Variants in SH3GLB2 observed in about 807,000 individuals in gnomAD.
SH3GLB2 encodes the protein endophilin-B2.
In SH3GLB2, 24 loss-of-function variants were observed where a neutral mutation model predicts 48.0. The observed-to-expected ratio is 0.50, with a 90% CI of 0.36 to 0.70. SH3GLB2 has a LOEUF of 0.70. Ranked by LOEUF, SH3GLB2 falls within the 30% of genes least tolerant of loss-of-function variation. SH3GLB2 has a pLI of 0.00. For synonymous variants in SH3GLB2, 227 were observed against 207.6 expected (o/e 1.09, Z -0.80); for missense variants, 425 against 516.0 (o/e 0.82, Z 1.71).
intron 1 of SH3GLB2, among the ~76,000 whole-genome samples, chr9:129,026,240 C>T (rs1297305403): frequency 1.3e-5 from 2 of 152,158 alleles, no homozygotes; most frequent in Non-Finnish European, 2.9e-5. Context: ...AAAGTTGTTT[C>T]TTGTACCTGC....
chr9:129,008,426 G>T lies in SH3GLB2; in HGVS notation c.*258C>A, dbSNP rs532078787. ...TGCAGACAGCCCCTCCCTCCTTAGT[G>T]GAGCCTGGAGGGTGGGGTGCTCGGG... On this transcript the variant is annotated 3_prime_UTR_variant, in exon 11 of 11. Transcript: ENST00000372564. 1 of 449,034 alleles carries T rather than the reference G, an allele frequency of 2.2e-6. No individual in the cohort carries two copies. Among genetic ancestry groups the T allele is most frequent in the African/African-American group, 2.0e-5 (1 of 50,068 alleles). The allele number at this position is 449,034 out of a possible 1,614,324, so 27.8% of individuals were successfully genotyped here.
chr9:129,022,239 C>G, intron 2 of SH3GLB2, 43 bp downstream of exon 2: 1 of 1,605,728 alleles, frequency 6.2e-7, no homozygotes, highest in African/African-American at 1.3e-5. Flanking sequence ...GTATCCCTGC[C>G]CCACGACTAC....
rs1842840901 is a variant in SH3GLB2 at position 129,007,572 on chromosome 9, G to A, written c.*1112C>T. ...CTAGAATCAGGCTGCCTGGGCTTCA[G>A]TCCCTGCTTGGCCACTTGCCAACTG... On this transcript the variant is annotated 3_prime_UTR_variant, in exon 11 of 11. Coordinates refer to ENST00000372564, the MANE Select transcript of SH3GLB2 (RefSeq NM_020145.4). 1 of 152,238 alleles carries A rather than the reference G, an allele frequency of 6.6e-6. No individual in the cohort carries two copies. The highest frequency in any genetic ancestry group is 1.5e-5 in the Non-Finnish European group (1 of 68,074). The allele number at this position is 152,238 out of a possible 1,614,324, so 9.4% of individuals were successfully genotyped here.
At position 129,014,780 on chromosome 9, in the gene SH3GLB2, C is replaced by T; in HGVS notation, c.459G>A (p.Lys153=). The T allele has an allele frequency of 6.2e-7, 1 of 1,613,296 alleles. No individual in the cohort carries two copies. The highest frequency in any genetic ancestry group is 8.5e-7 in the Non-Finnish European group (1 of 1,179,746). The change falls in exon 4 of 11, where the codon AAG becomes AAA. Residue 153 remains lysine, a synonymous_variant. Coordinates refer to ENST00000372564, the MANE Select transcript of SH3GLB2 (RefSeq NM_020145.4). The surrounding 1 kb of genome is among the most constrained non-coding windows in gnomAD (Gnocchi z 4.1). The part of the protein sequence containing the change: ...PLRNFLEGDW[K]TISKERRLLQ... ...GTCCCAGGGCCCTCACCGAGATGGT[C>T]TTCCAGTCCCCCTCCAGGAAGTTGC...
In SH3GLB2 at chr9:129,028,072, G is replaced by A. The variant is rs75595824; in HGVS notation, c.63+20C>T. 6.7e-7 allele frequency: 1 copy of A among 1,498,694 alleles called. No individual in the cohort carries two copies. Among genetic ancestry groups the A allele is most frequent in the Non-Finnish European group, 8.9e-7 (1 of 1,128,202 alleles). 92.8% of individuals were successfully genotyped at this position (1,498,694 alleles called of 1,614,324 possible). A position where few individuals can be genotyped will look rare whatever the true frequency, so the allele number is the denominator to read the frequency against. ...CCGCACATCCGGGCCCCCGGCGCACGGCGCGACGCCAGGCCTCACCTGCAC... is the reference window on the plus strand; with the variant it reads ...CCGCACATCCGGGCCCCCGGCGCACAGCGCGACGCCAGGCCTCACCTGCAC... On this transcript the variant is annotated intron_variant, in intron 1 of 10. Transcript: ENST00000372564.
chr9:129,009,879 GAA>G lies in SH3GLB2; in HGVS notation c.739-10_739-9del. The G allele has an allele frequency of 6.2e-7, 1 of 1,611,810 alleles. No individual in the cohort carries two copies. Among genetic ancestry groups the G allele is most frequent in the Non-Finnish European group, 8.5e-7 (1 of 1,178,726 alleles). Reference sequence around the variant, plus strand: ...GCAGCGCAGGTGGTTCACCTGCGGGGAAGAGGCCAGAGGCTGACTTCTAACCT... The same window carrying G: ...GCAGCGCAGGTGGTTCACCTGCGGGGGAGGCCAGAGGCTGACTTCTAACCT... On this transcript the variant is annotated splice_polypyrimidine_tract_variant and intron_variant, in intron 8 of 10. Transcript: ENST00000372564.
chr9:129,023,794 G>C (rs2131298414), intron 1 of SH3GLB2, among the ~76,000 whole-genome samples: 1 of 152,284 alleles, frequency 6.6e-6, no homozygotes, highest in Admixed American at 6.5e-5. Context: ...TATGGCCTCA[G>C]CTCCTGCCTG....
At chr9:129,013,067 G>A (rs1288914994) in intron 5 of SH3GLB2, 2 of 1,550,394 alleles carry the variant, frequency 1.3e-6, no homozygotes, top group African/African-American at 1.4e-5. Flanking sequence ...AAAACAAAGA[G>A]TTAGTGAGTC....
intron 1 of SH3GLB2, among the ~76,000 whole-genome samples, chr9:129,024,173 G>A (rs1376363279): frequency 2.7e-5 from 4 of 146,492 alleles, no homozygotes; most frequent in African/African-American, 1.0e-4. Flanking sequence ...TATAATCCCA[G>A]CACTTTGGAA....
At chr9:129,022,750 AG>A in intron 1 of SH3GLB2, among the ~76,000 whole-genome samples, 1 of 152,214 alleles carries the variant, frequency 6.6e-6, no homozygotes, top group Non-Finnish European at 1.5e-5. Context: ...TGGGGAGGCC[AG>A]CCCTAGGGTC....
chr9:129,009,426 A>G, intron 9 of SH3GLB2, 80 bp from the exon 10 acceptor site: 1 of 1,550,210 alleles, frequency 6.5e-7, no homozygotes, highest in Non-Finnish European at 8.7e-7. Flanking sequence ...CAGCCCCAGG[A>G]GCCCCACTCC....
In SH3GLB2 at chr9:129,009,121, G is replaced by C; in HGVS notation, c.1065C>G (p.Ala355=). Residue 355 remains alanine (A), a synonymous_variant, in exon 10 of 11, where the codon GCC becomes GCG. Coordinates refer to ENST00000372564, the MANE Select transcript of SH3GLB2 (RefSeq NM_020145.4). ...DYEAADSSEL[A]LLADELITVY... is the part of the protein sequence containing the mutation. Reference sequence around the variant, plus strand: ...CCGGGCCCACCTCATCAGCCAGCAGGGCCAGCTCACTGCTGTCGGCTGCCT... The same window carrying C: ...CCGGGCCCACCTCATCAGCCAGCAGCGCCAGCTCACTGCTGTCGGCTGCCT... 1 of 1,609,354 alleles carries C rather than the reference G, an allele frequency of 6.2e-7. No individual in the cohort carries two copies. Among genetic ancestry groups the C allele is most frequent in the Non-Finnish European group, 8.5e-7 (1 of 1,179,756 alleles).
rs1424011452 is a variant in SH3GLB2 at position 129,009,132 on chromosome 9, T to G, written c.1054A>C (p.Ser352Arg). Residue 352 changes from serine to arginine, a missense_variant, in exon 10 of 11, where the codon AGT becomes CGT. Transcript: ENST00000372564. The part of the protein sequence containing the change: ...VLYDYEAADS[S>R]ELALLADELI... ...TCATCAGCCAGCAGGGCCAGCTCAC[T>G]GCTGTCGGCTGCCTCGTAGTCATAG... 2.5e-6 allele frequency: 4 copies of G among 1,610,252 alleles called. No individual in the cohort carries two copies. The highest frequency in any genetic ancestry group is 3.4e-6 in the Non-Finnish European group (4 of 1,179,766).
At position 129,008,508 on chromosome 9, in the gene SH3GLB2, G is replaced by T. The variant is rs1312921680; in HGVS notation, c.*176C>A. 50 of 585,590 alleles carry T rather than the reference G, an allele frequency of 8.5e-5. No individual in the cohort carries two copies. The East Asian group carries it at 1.5e-3, about 17-fold the overall frequency. 36.3% of individuals were successfully genotyped at this position (585,590 alleles called of 1,614,324 possible). On this transcript the variant is annotated 3_prime_UTR_variant, in exon 11 of 11. Coordinates refer to ENST00000372564, the MANE Select transcript of SH3GLB2 (RefSeq NM_020145.4). ...CAGGTCAGAAGCAGGGCTGGGGGAG[G>T]GGTGGAGCCATTCAGCCTCAGGCAC...
intron 1 of SH3GLB2, among the ~76,000 whole-genome samples, chr9:129,022,910 G>C (rs956367790): frequency 3.3e-5 from 5 of 152,168 alleles, no homozygotes; most frequent in African/African-American, 1.2e-4. Context: ...GAAGAACCCA[G>C]GGTCGGGGTT....
intron 3 of SH3GLB2, 105 bp downstream of exon 3, chr9:129,020,986 T>C (rs997758664): frequency 4.2e-6 from 5 of 1,193,548 alleles, no homozygotes; most frequent in Admixed American, 2.9e-5. Flanking sequence ...TGAATTCAGG[T>C]ATTATTTGTA....
In SH3GLB2 at chr9:129,022,357, C is replaced by A. The variant is rs142474605; in HGVS notation, c.130G>T (p.Ala44Ser). Residue 44 changes from alanine (A) to serine (S), a missense_variant, in exon 2 of 11, where the codon GCC becomes TCC. Physicochemically the swap from Ala to Ser is moderately conservative, Grantham distance 99. Coordinates refer to ENST00000372564, the MANE Select transcript of SH3GLB2 (RefSeq NM_020145.4). Reference protein sequence around the residue: ...ELDAHFENLLARADSTKNWTE... With the variant: ...ELDAHFENLLSRADSTKNWTE... ...CAGTTCTTGGTGCTGTCTGCCCGGG[C>A]CAGAAGGTTTTCAAAGTGGGCATCA... 3 of 1,614,162 alleles carry A rather than the reference C, an allele frequency of 1.9e-6. No homozygotes were observed. The South Asian group carries it at 3.3e-5, about 18-fold the overall frequency.
At chr9:129,010,399 C>T (rs1843045951) in intron 7 of SH3GLB2, 190 bp from the exon 8 acceptor site, 1 of 640,224 alleles carries the variant, frequency 1.6e-6, no homozygotes, top group Non-Finnish European at 2.8e-6. Context: ...CAGGACCCCA[C>T]AGGCAGCTGC....
intron 3 of SH3GLB2, chr9:129,015,867 T>TA: frequency 3.0e-6 from 1 of 333,474 alleles, no homozygotes; most frequent in South Asian, 2.3e-5. Flanking sequence ...GATCCTGTCT[T>TA]TAAAAAAAAG....
Sources: gnomAD v4.1 joint callset for allele counts (sites outside exome capture counted in the v4.1 genomes callset) on GRCh38, gnomAD v4.1.1 for gene constraint, Gnocchi (gnomAD v3.1) non-coding constraint, MANE v1.5 for transcripts, NCBI Gene and HGNC (gene_info 2026-07-23, HGNC 2026-07-21) for gene names.